Variants in REDIC1 observed in about 807,000 individuals in gnomAD.
REDIC1 encodes HEI10 Interacting Protein 1.
At chr12:39,720,046 A>C in the REDIC1 span, among the ~76,000 whole-genome samples, 1 of 152,036 alleles carries the variant, frequency 6.6e-6, no homozygotes, top group African/African-American at 2.4e-5. Context: ...CATTAAAAGA[A>C]TATTTTCATT....
chr12:39,857,273 T>C, the REDIC1 span, among the ~76,000 whole-genome samples: 1 of 152,236 alleles, frequency 6.6e-6, no homozygotes, highest in Non-Finnish European at 1.5e-5. Context: ...CTAAGTACTG[T>C]GCTCATTATG....
chr12:39,750,708 G>A, the REDIC1 span, among the ~76,000 whole-genome samples: 13 of 152,138 alleles, frequency 8.5e-5, no homozygotes, highest in East Asian at 1.9e-4. Flanking sequence ...TGGTACCAAC[G>A]CAGAGATATA....
the REDIC1 span, chr12:39,682,848 A>G: frequency 6.2e-7 from 1 of 1,612,350 alleles, no homozygotes; most frequent in Non-Finnish European, 8.5e-7. Flanking sequence ...TCAATGTATT[A>G]AACATAGATG....
the REDIC1 span, among the ~76,000 whole-genome samples, chr12:39,783,665 C>T: frequency 6.6e-6 from 1 of 152,108 alleles, no homozygotes; most frequent in Non-Finnish European, 1.5e-5. Context: ...GCATAAATGT[C>T]TTCTTTTGAG....
the REDIC1 span, among the ~76,000 whole-genome samples, chr12:39,781,818 A>G: frequency 8.5e-5 from 13 of 152,228 alleles, no homozygotes; most frequent in African/African-American, 3.1e-4. Flanking sequence ...GACAAAAGTT[A>G]GTGGGTGGGC....
the REDIC1 span, among the ~76,000 whole-genome samples, chr12:39,822,806 A>G: frequency 6.6e-6 from 1 of 152,256 alleles, no homozygotes; most frequent in Non-Finnish European, 1.5e-5. Flanking sequence ...ACTGAAAATG[A>G]AAGGTAGTTA....
At chr12:39,750,360 A>T in the REDIC1 span, among the ~76,000 whole-genome samples, 2 of 152,186 alleles carry the variant, frequency 1.3e-5, no homozygotes, top group Admixed American at 6.6e-5. Context: ...CTTACAAGGG[A>T]TGTGAAGGAC....
the REDIC1 span, among the ~76,000 whole-genome samples, chr12:39,722,667 A>G: frequency 3.3e-5 from 5 of 152,150 alleles, no homozygotes; most frequent in Admixed American, 3.3e-4. Context: ...GTACACACCT[A>G]GTTCTGTTTT....
the REDIC1 span, among the ~76,000 whole-genome samples, chr12:39,901,858 C>T: frequency 3.3e-5 from 5 of 149,446 alleles, no homozygotes; most frequent in Admixed American, 6.7e-5. Flanking sequence ...ACCCAAAGGA[C>T]TATAAATCAT....
At chr12:39,638,749 C>T in the REDIC1 span, among the ~76,000 whole-genome samples, 1 of 151,944 alleles carries the variant, frequency 6.6e-6, no homozygotes, top group Non-Finnish European at 1.5e-5. Context: ...AATCCTTTTT[C>T]ATTTTCACCG....
the REDIC1 span, among the ~76,000 whole-genome samples, chr12:39,673,131 G>C: frequency 6.6e-6 from 1 of 152,058 alleles, no homozygotes; most frequent in Non-Finnish European, 1.5e-5. Context: ...TAGGCCATCT[G>C]CCTAGCCTCC....
the REDIC1 span, among the ~76,000 whole-genome samples, chr12:39,727,638 T>TTCTAGTTCTGTGAAGAAAG: frequency 6.7e-6 from 1 of 148,164 alleles, no homozygotes; most frequent in Non-Finnish European, 1.5e-5. Context: ...ATTTAGCTTT[T>TTCTAGTTCTGTGAAGAAAG]TCTAATTCTG....
At chr12:39,896,203 T>C in the REDIC1 span, among the ~76,000 whole-genome samples, 3 of 148,878 alleles carry the variant, frequency 2.0e-5, no homozygotes, top group Non-Finnish European at 4.5e-5. Context: ...TGTGTATGTA[T>C]ACATGTATAT....
At chr12:39,711,503 A>G in the REDIC1 span, among the ~76,000 whole-genome samples, 9 of 139,342 alleles carry the variant, frequency 6.5e-5, no homozygotes, top group African/African-American at 2.5e-4. Flanking sequence ...ATAAGTATGT[A>G]TATATGTGTA....
chr12:39,769,737 T>G, the REDIC1 span, among the ~76,000 whole-genome samples: 1 of 151,846 alleles, frequency 6.6e-6, no homozygotes, highest in Admixed American at 6.6e-5. Context: ...ATACACAAGA[T>G]CTCTCTTACT....
the REDIC1 span, chr12:39,721,334 A>G: frequency 1.7e-6 from 2 of 1,191,550 alleles, no homozygotes; most frequent in African/African-American, 1.6e-5. Flanking sequence ...CATTAACATG[A>G]TAAGAAATGA....
the REDIC1 span, among the ~76,000 whole-genome samples, chr12:39,810,304 A>C: frequency 6.6e-6 from 1 of 152,244 alleles, no homozygotes; most frequent in East Asian, 1.9e-4. Flanking sequence ...TGATATAATT[A>C]GCCTTTAAAA....
At chr12:39,883,521 G>C in the REDIC1 span, among the ~76,000 whole-genome samples, 17 of 152,258 alleles carry the variant, frequency 1.1e-4, no homozygotes, top group Non-Finnish European at 1.2e-4. Context: ...ACGGAAAAAG[G>C]TGACAGTTTA....
At chr12:39,862,139 T>C in the REDIC1 span, among the ~76,000 whole-genome samples, 3 of 152,184 alleles carry the variant, frequency 2.0e-5, no homozygotes, top group Non-Finnish European at 4.4e-5. Context: ...GTCCAGAGAA[T>C]TGAATCAGGC....
Sources: gnomAD v4.1 joint callset for allele counts (sites outside exome capture counted in the v4.1 genomes callset) on GRCh38, gnomAD v4.1.1 for gene constraint, MANE v1.5 for transcripts, NCBI Gene and HGNC (gene_info 2026-07-23, HGNC 2026-07-21) for gene names.